IFT140: variants seen among roughly 807,000 people sequenced by gnomAD.
IFT140 encodes intraflagellar transport protein 140 homolog.
A neutral mutation model predicts 164.6 loss-of-function variants in IFT140; 133 were observed. The observed-to-expected ratio is 0.81, with a 90% confidence interval of 0.70 to 0.93. IFT140 has a LOEUF of 0.93. Among genes scored for constraint, IFT140 ranks in the 40% least tolerant of loss-of-function variants. The pLI, the probability that IFT140 is intolerant of heterozygous loss-of-function variation, is 0.00. For synonymous variants in IFT140, 860 were observed against 817.3 expected, an observed-to-expected ratio of 1.05 and a Z score of -0.89; for missense variants, 2,045 against 1,972.3, an observed-to-expected ratio of 1.04 and a Z score of -0.70.
intron 13 of IFT140, among the ~76,000 whole-genome samples, chr16:1,572,075 G>A (rs369163028): frequency 6.6e-6 from 1 of 152,146 alleles, no homozygotes; most frequent in African/African-American, 2.4e-5. Flanking sequence ...TGTCCCACCC[G>A]CGAAAAGCCC....
At chr16:1,603,529 T>C (rs2142053465) in intron 3 of IFT140, among the ~76,000 whole-genome samples, 1 of 152,172 alleles carries the variant, frequency 6.6e-6, no homozygotes, top group South Asian at 2.1e-4. Context: ...TAGCCCAGGC[T>C]GGAGTGCTGC....
At chr16:1,562,584 C>T (rs2033475611) in intron 17 of IFT140, among the ~76,000 whole-genome samples, 1 of 152,060 alleles carries the variant, frequency 6.6e-6, no homozygotes, top group Admixed American at 6.5e-5. Flanking sequence ...CCAGCCTGGC[C>T]AACGTGATGA....
chr16:1,549,196 C>T (rs145785414), intron 19 of IFT140, among the ~76,000 whole-genome samples: 21 of 152,398 alleles, frequency 1.4e-4, no homozygotes, highest in Middle Eastern at 3.4e-3. Context: ...CCTAGTTGTG[C>T]TCCAAACAGA....
chr16:1,608,631 CAAAAAAAAAA>C (rs10675170), intron 2 of IFT140, among the ~76,000 whole-genome samples: 1 of 83,722 alleles, frequency 1.2e-5, no homozygotes, highest in South Asian at 4.2e-4. Context: ...GACTCCGCCT[CAAAAAAAAAA>C]AAAAAAAAAA....
Position 1,564,250 on chromosome 16 carries a change from G to A in IFT140, c.1902-88C>T, listed in dbSNP as rs1198494075. The stretch of plus-strand genomic sequence containing the variant: ...CCCACACACATTCCCGAAGCCTCCA[G>A]GTGCTGTCCCAGACCATGGTGTCCA... On this transcript the variant is annotated intron_variant, in intron 16 of 30. Coordinates refer to ENST00000426508, the MANE Select transcript of IFT140 (RefSeq NM_014714.4). The surrounding 1 kb of genome is among the most constrained non-coding windows in gnomAD (Gnocchi z 5.5). 8.1e-7 allele frequency: 1 copy of A among 1,229,206 alleles called. No individual in the cohort carries two copies. 76.1% of individuals were successfully genotyped at this position (1,229,206 alleles called of 1,614,324 possible). A position where few individuals can be genotyped will look rare whatever the true frequency, so the allele number is the denominator to read the frequency against.
intron 7 of IFT140, among the ~76,000 whole-genome samples, chr16:1,589,200 C>T (rs2035051257): frequency 6.6e-6 from 1 of 152,172 alleles, no homozygotes; most frequent in Non-Finnish European, 1.5e-5. Context: ...CAGTGGCCTC[C>T]AAGGAGCAGG....
At position 1,523,081 on chromosome 16, in the gene IFT140, T is replaced by G. The variant is rs527241090; in HGVS notation, c.3453+437A>C. Reference sequence around the variant, plus strand: ...ATGAAAAAAAATTTAAAAAATTAGCTGGGGATGGTGGCACACTCCTGTATT... The same window carrying G: ...ATGAAAAAAAATTTAAAAAATTAGCGGGGGATGGTGGCACACTCCTGTATT... On this transcript the variant is annotated intron_variant, in intron 26 of 30. Transcript: ENST00000426508. Among the ~76,000 whole-genome samples, 53 of 151,890 alleles carry G rather than the reference T, an allele frequency of 3.5e-4. No homozygotes were observed. The South Asian group carries it at 0.01, about 29-fold the overall frequency.
In IFT140 at chr16:1,592,185, G is replaced by C. The variant is rs199553087; in HGVS notation, c.625C>G (p.Leu209Val). The change falls in exon 6 of 31, where the codon CTG becomes GTG. Residue 209 changes from leucine to valine, a missense_variant. Transcript: ENST00000426508. ...SHEGLLFFVS[L>V]MDGTVHYVDE... is the part of the protein sequence containing the mutation. ...AACCAAAGTTCCTCACCGTCCATCAGACTGACAAAGAACAACAGCCCCTCG... is the reference window on the plus strand; with the variant it reads ...AACCAAAGTTCCTCACCGTCCATCACACTGACAAAGAACAACAGCCCCTCG... 2.5e-6 allele frequency: 4 copies of C among 1,614,114 alleles called. No individual in the cohort carries two copies. Among genetic ancestry groups the C allele is most frequent in the South Asian group, 2.2e-5 (2 of 91,072 alleles).
At chr16:1,590,994 A>G (rs117116922) in intron 6 of IFT140, among the ~76,000 whole-genome samples, 2,645 of 152,292 alleles carry the variant, frequency 0.017, 51 homozygotes, top group Non-Finnish European at 0.024. Context: ...CTAGTATTTA[A>G]TAAGTGCACA....
chr16:1,527,330 G>A (rs2040737723), intron 19 of IFT140, among the ~76,000 whole-genome samples: 1 of 152,172 alleles, frequency 6.6e-6, no homozygotes, highest in East Asian at 1.9e-4. Context: ...TGTCTCCCCA[G>A]GAGACGGTGA....
chr16:1,598,828 GCCGCCA>G (rs1171563129), intron 4 of IFT140, among the ~76,000 whole-genome samples: 3 of 152,084 alleles, frequency 2.0e-5, no homozygotes, highest in Admixed American at 6.5e-5. Context: ...CCTCTGCCCG[GCCGCCA>G]CCCCGTCTGG....
In IFT140 at chr16:1,537,842, G is replaced by A. The variant is rs949027094; in HGVS notation, c.2400-11046C>T. ...GAGGGGGAGCCCCACCCCTCTCTCC[G>A]GTGGCTCCACGTGGCTCCGTCACCA... On this transcript the variant is annotated intron_variant, in intron 19 of 30. Coordinates refer to ENST00000426508, the MANE Select transcript of IFT140 (RefSeq NM_014714.4). Among the ~76,000 whole-genome samples, 9 of 152,280 alleles carry A rather than the reference G, an allele frequency of 5.9e-5. No individual in the cohort carries two copies. The East Asian group carries it at 1.4e-3, about 23-fold the overall frequency.
intron 19 of IFT140, among the ~76,000 whole-genome samples, chr16:1,546,651 C>T (rs1016158575): frequency 3.3e-5 from 5 of 152,200 alleles, no homozygotes; most frequent in African/African-American, 9.7e-5. Flanking sequence ...CCCTCGGGGG[C>T]GCAAACTGTC....
chr16:1,601,512 T>C (rs566522596), intron 4 of IFT140, among the ~76,000 whole-genome samples: 1 of 152,320 alleles, frequency 6.6e-6, no homozygotes, highest in African/African-American at 2.4e-5. Context: ...AGCATCGTTA[T>C]CTGTGATAAA....
chr16:1,553,715 C>A lies in IFT140; in HGVS notation c.2399+4220G>T, dbSNP rs79005075. The A allele has an allele frequency of 0.049, 54,749 of 1,111,722 alleles. 1,847 individuals are homozygous for A. Among genetic ancestry groups the A allele is most frequent in the Admixed American group, 0.19 (4,798 of 24,960 alleles). 68.9% of individuals were successfully genotyped at this position (1,111,722 alleles called of 1,614,324 possible). A position where few individuals can be genotyped will look rare whatever the true frequency, so the allele number is the denominator to read the frequency against. On this transcript the variant is annotated intron_variant, in intron 19 of 30. Coordinates refer to ENST00000426508, the MANE Select transcript of IFT140 (RefSeq NM_014714.4). This position sits in a 1 kb window ranked among gnomAD's most constrained non-coding sequence, Gnocchi z 4.4. ...GCTGGAGGCCCCATGGCCTCCAGGACAATCTGTGGCCACATCCCCATGGCT... is the reference window on the plus strand; with the variant it reads ...GCTGGAGGCCCCATGGCCTCCAGGAAAATCTGTGGCCACATCCCCATGGCT...
At chr16:1,526,879 T>C in intron 19 of IFT140, 83 bp from the exon 20 acceptor site, 3 of 1,416,732 alleles carry the variant, frequency 2.1e-6, no homozygotes, top group East Asian at 2.4e-5. Context: ...CTGGGGCAAG[T>C]AGTCATCAGG....
At position 1,607,173 on chromosome 16, in the gene IFT140, C is replaced by G. The variant is rs770234866; in HGVS notation, c.94G>C (p.Val32Leu). 1 of 1,614,164 alleles carries G rather than the reference C, an allele frequency of 6.2e-7. No individual in the cohort carries two copies. Among genetic ancestry groups the G allele is most frequent in the Non-Finnish European group, 8.5e-7 (1 of 1,180,018 alleles). ...GTTGAGGTTGTGCTGATGTAAGCAA[C>G]TGCCAAGAATGGATGGACAGGGTGC... ...SWHPVHPFLA[V>L]AYISTTSTGS... The change falls in exon 3 of 31, where the codon GTT becomes CTT. Residue 32 changes from valine to leucine, a missense_variant. Val to Leu is a conservative substitution (Grantham distance 32). Transcript: ENST00000426508.
Position 1,561,949 on chromosome 16 carries a change from T to A in IFT140, c.2199+36A>T, listed in dbSNP as rs114391113. The A allele has an allele frequency of 1.3e-3, 1,929 of 1,527,826 alleles. 28 individuals are homozygous for A. The African/African-American group carries it at 0.018, about 14-fold the overall frequency. 94.6% of individuals were successfully genotyped at this position (1,527,826 alleles called of 1,614,324 possible). ...GAGCCCAGCCAGGCAAGGGGAGAGA[T>A]CAGAAGACACCTGTGCGGATGTCGT... On this transcript the variant is annotated intron_variant, in intron 18 of 30. Transcript: ENST00000426508.
At chr16:1,543,521 C>G (rs920599754) in intron 19 of IFT140, among the ~76,000 whole-genome samples, 1 of 152,256 alleles carries the variant, frequency 6.6e-6, no homozygotes, top group African/African-American at 2.4e-5. Context: ...GGCGTGGAGC[C>G]TGGAACTGGA....
Sources: allele counts gnomAD v4.1 joint callset (sites outside exome capture counted in the v4.1 genomes callset), GRCh38; gene constraint gnomAD v4.1.1; non-coding constraint Gnocchi (gnomAD v3.1); transcripts MANE v1.5; gene names NCBI Gene and HGNC (gene_info 2026-07-23, HGNC 2026-07-21).